ZNF675: variants seen among roughly 807,000 people sequenced by gnomAD.
ZNF675 encodes zinc finger protein 675, also known as TRAF6 inhibitory zinc finger.
ZNF675 carries 36 observed loss-of-function variants against 56.1 expected under a neutral mutation model. The ratio of observed to expected loss-of-function variants is 0.64; its 90% CI spans 0.49 to 0.85. The LOEUF is 0.85. Among genes scored for constraint, ZNF675 ranks in the 40% least tolerant of loss-of-function variants. The pLI is 0.00. For synonymous variants in ZNF675, 200 were observed against 218.9 expected (o/e 0.91, Z 0.76); for missense variants, 663 against 654.2 (o/e 1.01, Z -0.15).
chr19:23,663,285 A>C, intron 1 of ZNF675, 127 bp from the exon 2 acceptor site: 1 of 1,202,922 alleles, frequency 8.3e-7, no homozygotes, highest in East Asian at 2.8e-5. Flanking sequence ...ATTATCCAAT[A>C]AAATCATATT....
chr19:23,662,643 T>C (rs1410204279), intron 2 of ZNF675, among the ~76,000 whole-genome samples: 2 of 152,154 alleles, frequency 1.3e-5, no homozygotes, highest in Non-Finnish European at 2.9e-5. Context: ...TACCAAAATA[T>C]ATTCTACAAA....
chr19:23,683,613 G>T (rs180852680), intron 1 of ZNF675, among the ~76,000 whole-genome samples: 2 of 152,140 alleles, frequency 1.3e-5, no homozygotes, highest in East Asian at 3.9e-4. Context: ...GTAGAGATGA[G>T]GTTTCACCAT....
Position 23,654,475 on chromosome 19 carries a change from A to C in ZNF675, c.458T>G (p.Phe153Cys). Residue 153 changes from phenylalanine to cysteine, a missense_variant, in exon 4 of 4, where the codon TTT becomes TGT. By Grantham distance (205) the Phe-to-Cys change is radical. This residue lies in a region of ZNF675 where 617 missense variants were observed against 590.5 expected (regional missense o/e 1.04). Coordinates refer to ENST00000359788, the MANE Select transcript of ZNF675 (RefSeq NM_138330.3). Reference protein sequence around the residue: ...MFQCDKYVKVFNKFSHSDRHK... With the variant: ...MFQCDKYVKVCNKFSHSDRHK... ...TCTATCTGAATGTGAAAATTTATTA[A>C]AGACTTTCACATATTTATCACATTG... 8 of 1,601,904 alleles carry C rather than the reference A, an allele frequency of 5.0e-6. No individual in the cohort carries two copies. The South Asian group carries it at 7.9e-5, about 16-fold the overall frequency.
In ZNF675 at chr19:23,653,297, T is replaced by A. The variant is rs1967934692; in HGVS notation, c.1636A>T (p.Asn546Tyr). The stretch of plus-strand genomic sequence containing the variant: ...TGTTTAGTAAGGTTTGCAGATTGGT[T>A]AAAAGCTTTGTCACATCTCTCACAT... ...YKCERCDKAF[N>Y]QSANLTKHKK... The change falls in exon 4 of 4, where the codon AAC (asparagine) becomes TAC (tyrosine). Residue 546 changes from asparagine (N) to tyrosine (Y), a missense_variant. Around this residue, in one of 3 missense-constraint regions of ZNF675, gnomAD observed 617 missense variants for 590.5 expected, o/e 1.04. Coordinates refer to ENST00000359788, the MANE Select transcript of ZNF675 (RefSeq NM_138330.3). 1.2e-6 allele frequency: 2 copies of A among 1,613,656 alleles called. No individual in the cohort carries two copies. The highest frequency in any genetic ancestry group is 1.7e-6 in the Non-Finnish European group (2 of 1,179,846).
intron 1 of ZNF675, among the ~76,000 whole-genome samples, chr19:23,682,986 C>T (rs898063059): frequency 1.3e-5 from 2 of 151,610 alleles, no homozygotes. Flanking sequence ...GTCAGGAGTT[C>T]GAGCCTAGCC....
chr19:23,655,304 A>C (rs1967969029), intron 3 of ZNF675: 1 of 152,148 alleles, frequency 6.6e-6, no homozygotes, highest in Admixed American at 6.6e-5. Flanking sequence ...GAGAGTAGAT[A>C]ATTTATAAAG....
intron 3 of ZNF675, chr19:23,656,628 ACACAC>A (rs1568288304): frequency 6.6e-6 from 1 of 152,058 alleles, no homozygotes; most frequent in African/African-American, 2.4e-5. Context: ...ACACACACAC[ACACAC>A]ACACACACAC....
intron 1 of ZNF675, among the ~76,000 whole-genome samples, chr19:23,667,051 C>T (rs1265931156): frequency 1.3e-5 from 2 of 152,050 alleles, no homozygotes; most frequent in Non-Finnish European, 2.9e-5. Flanking sequence ...TAAGGTGGCG[C>T]GTCTGGAGTT....
rs1191141843 is a variant in ZNF675, at chr19:23,687,094, C to G, written c.-61G>C. On this transcript the variant is annotated 5_prime_UTR_variant, in exon 1 of 4. Coordinates refer to ENST00000359788, the MANE Select transcript of ZNF675 (RefSeq NM_138330.3). ...TGGATCTCTCAATTTCTGCAGGTCA[C>G]AGGCCCACAGAGGCTGGACCTCTAG... The G allele has an allele frequency of 6.2e-7, 1 of 1,601,972 alleles. No individual in the cohort carries two copies. Among genetic ancestry groups the G allele is most frequent in the Non-Finnish European group, 8.5e-7 (1 of 1,169,870 alleles).
intron 1 of ZNF675, among the ~76,000 whole-genome samples, chr19:23,684,030 G>A (rs1436493144): frequency 3.9e-5 from 6 of 152,020 alleles, no homozygotes; most frequent in Admixed American, 1.3e-4. Context: ...GGGAGGCTGA[G>A]GAGGGCGGAT....
At chr19:23,685,926 A>G (rs1377467141) in intron 1 of ZNF675, among the ~76,000 whole-genome samples, 1 of 152,106 alleles carries the variant, frequency 6.6e-6, no homozygotes, top group Non-Finnish European at 1.5e-5. Flanking sequence ...GGAGTGTGAA[A>G]ATAACTAAGT....
At chr19:23,679,166 C>CAAAA (rs33936196) in intron 1 of ZNF675, among the ~76,000 whole-genome samples, 1,668 of 98,566 alleles carry the variant, frequency 0.017, 66 homozygotes, top group East Asian at 0.079. Context: ...GACTCCGTCT[C>CAAAA]AAAAAAAAAA....
At chr19:23,685,557 G>A (rs1412135202) in intron 1 of ZNF675, among the ~76,000 whole-genome samples, 2 of 152,142 alleles carry the variant, frequency 1.3e-5, no homozygotes, top group African/African-American at 4.8e-5. Context: ...TACTATCTCT[G>A]TGCCTAGAGA....
chr19:23,669,496 G>T, intron 1 of ZNF675, among the ~76,000 whole-genome samples: 1 of 152,088 alleles, frequency 6.6e-6, no homozygotes, highest in Middle Eastern at 3.4e-3. Context: ...GGGGGGTGGG[G>T]GGAGCTTATG....
chr19:23,666,388 T>G (rs564419160), intron 1 of ZNF675, among the ~76,000 whole-genome samples: 1 of 152,352 alleles, frequency 6.6e-6, no homozygotes, highest in Admixed American at 6.5e-5. Flanking sequence ...GGTTTCTTCC[T>G]GCAACTAATC....
At chr19:23,665,389 T>C (rs964454148) in intron 1 of ZNF675, among the ~76,000 whole-genome samples, 2 of 151,702 alleles carry the variant, frequency 1.3e-5, no homozygotes, top group African/African-American at 4.8e-5. Flanking sequence ...AGCTGGGCAT[T>C]GCCTTTAAAG....
chr19:23,668,543 G>A (rs6511482), intron 1 of ZNF675, among the ~76,000 whole-genome samples: 147,862 of 152,216 alleles, frequency 0.97, 71,982 homozygotes, highest in Middle Eastern at 1. Context: ...CTCAGCCCTT[G>A]GGCGGTCGAT....
At chr19:23,682,047 C>G (rs980750927) in intron 1 of ZNF675, among the ~76,000 whole-genome samples, 8 of 151,746 alleles carry the variant, frequency 5.3e-5, no homozygotes, top group South Asian at 2.1e-4. Context: ...TGTTGTAGAG[C>G]CAGACATAGA....
At chr19:23,682,825 C>T (rs1288091531) in intron 1 of ZNF675, among the ~76,000 whole-genome samples, 1 of 151,246 alleles carries the variant, frequency 6.6e-6, no homozygotes, top group African/African-American at 2.5e-5. Flanking sequence ...CATTTCATAC[C>T]TCTGTAAGAA....
Sources: gnomAD v4.1 joint callset for allele counts (sites outside exome capture counted in the v4.1 genomes callset) on GRCh38, gnomAD v4.1.1 for gene constraint, gnomAD v4.1.1 regional missense constraint, MANE v1.5 for transcripts, NCBI Gene and HGNC (gene_info 2026-07-23, HGNC 2026-07-21) for gene names.